The following BMERB1 variants were observed in gnomAD, a reference collection of about 807,000 sequenced individuals.
BMERB1 encodes bMERB domain containing 1.
BMERB1 carries 12 observed loss-of-function variants against 23.6 expected under a neutral mutation model. The observed-to-expected ratio is 0.51, with a 90% CI of 0.33 to 0.82. The LOEUF is 0.82. Ranked by LOEUF, BMERB1 falls within the 40% of genes least tolerant of loss-of-function variation. BMERB1 has a pLI of 0.03. For synonymous variants in BMERB1, 122 were observed against 96.6 expected (o/e 1.26, Z -1.54); for missense variants, 247 against 255.4 (o/e 0.97, Z 0.22).
At chr16:15,507,144 T>G (rs763610741) in intron 1 of BMERB1, among the ~76,000 whole-genome samples, 2 of 152,178 alleles carry the variant, frequency 1.3e-5, no homozygotes, top group African/African-American at 2.4e-5. Context: ...GACCCCTGAT[T>G]GGAAAAGATG....
At chr16:15,547,169 G>T (rs1322674367) in intron 2 of BMERB1, among the ~76,000 whole-genome samples, 1 of 151,262 alleles carries the variant, frequency 6.6e-6, no homozygotes, top group African/African-American at 2.4e-5. Flanking sequence ...GCGCCACCAT[G>T]CCCAGCTAAT....
chr16:15,568,041 T>A lies in BMERB1; in HGVS notation c.289T>A (p.Leu97Met). ...IMDLKQELQN[L>M]VAIPEKEKTK... ...GGACTTGAAGCAGGAGCTGCAGAACTTGGTCGCCATCCCAGGTAACCATTT... is the reference window on the plus strand; with the variant it reads ...GGACTTGAAGCAGGAGCTGCAGAACATGGTCGCCATCCCAGGTAACCATTT... The change falls in exon 3 of 6, where the codon TTG (leucine) becomes ATG (methionine). Residue 97 changes from leucine (L) to methionine (M), a missense_variant. Leu to Met is a conservative substitution (Grantham distance 15). Coordinates refer to ENST00000300006, the MANE Select transcript of BMERB1 (RefSeq NM_033201.3). The A allele has an allele frequency of 6.2e-7, 1 of 1,613,978 alleles. No individual in the cohort carries two copies. Among genetic ancestry groups the A allele is most frequent in the South Asian group, 1.1e-5 (1 of 91,074 alleles).
chr16:15,555,972 G>C (rs1342731988), intron 2 of BMERB1, among the ~76,000 whole-genome samples: 1 of 152,142 alleles, frequency 6.6e-6, no homozygotes, highest in Non-Finnish European at 1.5e-5. Flanking sequence ...CTGAGGTCAG[G>C]AGTTCGAGAC....
chr16:15,504,899 C>T (rs962963788), intron 1 of BMERB1, among the ~76,000 whole-genome samples: 10 of 152,122 alleles, frequency 6.6e-5, no homozygotes, highest in South Asian at 2.1e-4. Context: ...CTAAATGCAG[C>T]GGCTGTGACC....
chr16:15,494,860 A>C (rs1016734912), intron 1 of BMERB1, among the ~76,000 whole-genome samples: 1 of 151,580 alleles, frequency 6.6e-6, no homozygotes, highest in East Asian at 1.9e-4. Context: ...AATGTTGGTA[A>C]ATTTCCTTTT....
At chr16:15,462,082 A>G (rs1245807714) in intron 1 of BMERB1, among the ~76,000 whole-genome samples, 1 of 146,572 alleles carries the variant, frequency 6.8e-6, no homozygotes, top group Non-Finnish European at 1.5e-5. Context: ...GGACATACTT[A>G]TCCTACACAA....
chr16:15,508,519 C>T (rs1428953255), intron 1 of BMERB1, among the ~76,000 whole-genome samples: 1 of 152,098 alleles, frequency 6.6e-6, no homozygotes, highest in Non-Finnish European at 1.5e-5. Context: ...GTATCAACCC[C>T]TGGCCTAAGG....
At chr16:15,478,161 G>C (rs1249699518) in intron 1 of BMERB1, among the ~76,000 whole-genome samples, 2 of 151,934 alleles carry the variant, frequency 1.3e-5, no homozygotes, top group African/African-American at 4.8e-5. Context: ...TTTTTCTCTA[G>C]TTTTTAATTT....
chr16:15,512,038 A>G (rs547935149), intron 1 of BMERB1, among the ~76,000 whole-genome samples: 103 of 148,404 alleles, frequency 6.9e-4, no homozygotes, highest in African/African-American at 2.3e-3. Flanking sequence ...AAAAAAAAAA[A>G]GGGGGAATTG....
chr16:15,536,179 G>A (rs1168192668), intron 2 of BMERB1, among the ~76,000 whole-genome samples: 3 of 152,088 alleles, frequency 2.0e-5, no homozygotes, highest in Admixed American at 6.6e-5. Context: ...CTCTTTGAAG[G>A]CTGTCCAGAT....
At chr16:15,532,989 T>C (rs1466859961) in intron 2 of BMERB1, 2 of 455,576 alleles carry the variant, frequency 4.4e-6, no homozygotes, top group East Asian at 1.4e-4. Context: ...ATTTATAGGC[T>C]GTGCAATCTT....
At chr16:15,470,901 A>G (rs547705868) in intron 1 of BMERB1, among the ~76,000 whole-genome samples, 64 of 130,842 alleles carry the variant, frequency 4.9e-4, no homozygotes, top group South Asian at 9.5e-4. Context: ...CAGTGGTGCA[A>G]TCTCGGCTCA....
At chr16:15,568,609 G>C (rs1034646693) in intron 3 of BMERB1, among the ~76,000 whole-genome samples, 1 of 152,082 alleles carries the variant, frequency 6.6e-6, no homozygotes, top group Non-Finnish European at 1.5e-5. Context: ...TTGCACTCCA[G>C]CCTGGGCAAC....
intron 1 of BMERB1, among the ~76,000 whole-genome samples, chr16:15,461,958 A>G (rs1313023742): frequency 6.6e-6 from 1 of 152,044 alleles, no homozygotes; most frequent in African/African-American, 2.4e-5. Flanking sequence ...CAACAACAAC[A>G]GCAGCAGCAA....
chr16:15,576,625 C>T (rs565129791), intron 3 of BMERB1, among the ~76,000 whole-genome samples: 11 of 152,180 alleles, frequency 7.2e-5, no homozygotes, highest in African/African-American at 2.4e-4. Flanking sequence ...TATTCTCTCT[C>T]GGTTCTGGAT....
At chr16:15,508,352 G>C (rs1258363956) in intron 1 of BMERB1, among the ~76,000 whole-genome samples, 2 of 152,122 alleles carry the variant, frequency 1.3e-5, no homozygotes, top group African/African-American at 4.8e-5. Context: ...GAATATTTGA[G>C]GCTTCGTGGG....
chr16:15,546,874 T>C (rs575312836), intron 2 of BMERB1, among the ~76,000 whole-genome samples: 1 of 152,304 alleles, frequency 6.6e-6, no homozygotes, highest in Admixed American at 6.5e-5. Context: ...CCAATAAAAC[T>C]TGTTTAATCC....
At chr16:15,499,159 C>T (rs1395612975) in intron 1 of BMERB1, among the ~76,000 whole-genome samples, 1 of 152,178 alleles carries the variant, frequency 6.6e-6, no homozygotes, top group Non-Finnish European at 1.5e-5. Flanking sequence ...CACCTCTTCA[C>T]CTTCATCCTT....
At chr16:15,473,427 A>AT (rs1348299149) in intron 1 of BMERB1, among the ~76,000 whole-genome samples, 1 of 151,168 alleles carries the variant, frequency 6.6e-6, no homozygotes, top group Non-Finnish European at 1.5e-5. Flanking sequence ...AGTAGCTGGG[A>AT]TTATATAGGC....
Sources: allele counts gnomAD v4.1 joint callset (sites outside exome capture counted in the v4.1 genomes callset), GRCh38; gene constraint gnomAD v4.1.1; transcripts MANE v1.5; gene names NCBI Gene and HGNC (gene_info 2026-07-23, HGNC 2026-07-21).